Variants in ARHGEF3 observed in about 807,000 individuals in gnomAD.
ARHGEF3 encodes the protein Rho guanine nucleotide exchange factor 3.
A neutral mutation model predicts 63.2 loss-of-function variants in ARHGEF3; 28 were observed. That is an observed-to-expected ratio of 0.44 (90% confidence interval 0.33 to 0.61). The LOEUF is 0.61. ARHGEF3 is among the 20% of genes least tolerant of loss of function. The pLI is 0.03. For missense variants in ARHGEF3, 533 were observed against 659.3 expected (o/e 0.81, Z 2.10); for synonymous variants, 266 against 254.2 (o/e 1.05, Z -0.44).
chr3:56,954,662 G>GT, intron 3 of ARHGEF3, among the ~76,000 whole-genome samples: 1 of 152,290 alleles, frequency 6.6e-6, no homozygotes, highest in East Asian at 1.9e-4. Context: ...TGGAGGGTTG[G>GT]TAACACCCAG....
intron 4 of ARHGEF3, among the ~76,000 whole-genome samples, chr3:56,752,970 G>C (rs1332175771): frequency 6.6e-6 from 1 of 152,216 alleles, no homozygotes; most frequent in African/African-American, 2.4e-5. Context: ...GAGTTGGGGG[G>C]CTGTGCCACT....
chr3:56,885,438 C>T (rs1303045609), intron 3 of ARHGEF3, among the ~76,000 whole-genome samples: 1 of 152,194 alleles, frequency 6.6e-6, no homozygotes, highest in East Asian at 1.9e-4. Flanking sequence ...ATACATGCTG[C>T]AACCTGGTAT....
chr3:56,751,957 C>T (rs2034782599), intron 4 of ARHGEF3, among the ~76,000 whole-genome samples: 1 of 152,146 alleles, frequency 6.6e-6, no homozygotes, highest in Non-Finnish European at 1.5e-5. Context: ...ACTTAAAAGT[C>T]TCCTACCTTC....
intron 2 of ARHGEF3, among the ~76,000 whole-genome samples, chr3:56,974,886 C>T (rs886784367): frequency 4.6e-5 from 7 of 152,072 alleles, no homozygotes; most frequent in South Asian, 4.1e-4. Context: ...TGTTCTTTCC[C>T]GAGAGTGTAT....
intron 1 of ARHGEF3, among the ~76,000 whole-genome samples, chr3:57,041,667 T>G (rs1704191876): frequency 6.6e-6 from 1 of 152,242 alleles, no homozygotes; most frequent in South Asian, 2.1e-4. Context: ...AAAAGCTCCG[T>G]GTACTCCTTG....
chr3:56,833,814 A>G (rs922634168), intron 4 of ARHGEF3, among the ~76,000 whole-genome samples: 1 of 152,128 alleles, frequency 6.6e-6, no homozygotes, highest in African/African-American at 2.4e-5. Flanking sequence ...TTTGGATCAC[A>G]CTTCAGGAGA....
chr3:56,730,347 A>C (rs1209624588), intron 9 of ARHGEF3, among the ~76,000 whole-genome samples: 1 of 152,168 alleles, frequency 6.6e-6, no homozygotes, highest in African/African-American at 2.4e-5. Context: ...TGCATTTAAA[A>C]AAAAATGGTA....
chr3:57,005,456 C>A (rs1393984698), intron 2 of ARHGEF3, among the ~76,000 whole-genome samples: 1 of 152,170 alleles, frequency 6.6e-6, no homozygotes, highest in Non-Finnish European at 1.5e-5. Context: ...CACTGCCACA[C>A]AGTCAAATCA....
chr3:56,861,209 T>C (rs1578700662), intron 4 of ARHGEF3, among the ~76,000 whole-genome samples: 1 of 152,172 alleles, frequency 6.6e-6, no homozygotes, highest in African/African-American at 2.4e-5. Context: ...TGGTGGTCAG[T>C]GCCAGGGTGG....
At chr3:57,073,513 A>G in intron 1 of ARHGEF3, 1 of 918,542 alleles carries the variant, frequency 1.1e-6, no homozygotes. Flanking sequence ...TATCTGGGTG[A>G]CTGTGGGGTT....
chr3:57,076,516 T>TC (rs2107429806), intron 1 of ARHGEF3, among the ~76,000 whole-genome samples: 1 of 152,246 alleles, frequency 6.6e-6, no homozygotes, highest in South Asian at 2.1e-4. Flanking sequence ...CTGCCCCCTC[T>TC]CCTCCAATGG....
intron 2 of ARHGEF3, among the ~76,000 whole-genome samples, chr3:56,972,244 T>C (rs1479701484): frequency 6.6e-6 from 1 of 152,096 alleles, no homozygotes; most frequent in African/African-American, 2.4e-5. Context: ...GGACAACTTA[T>C]ACAACTTTCC....
intron 1 of ARHGEF3, among the ~76,000 whole-genome samples, chr3:56,780,690 G>C (rs2036523159): frequency 6.6e-6 from 1 of 152,184 alleles, no homozygotes; most frequent in Admixed American, 6.5e-5. Context: ...CTTGTGAAGA[G>C]TACTGGTTGG....
At chr3:56,952,084 T>C (rs1335973876) in intron 3 of ARHGEF3, among the ~76,000 whole-genome samples, 1 of 152,020 alleles carries the variant, frequency 6.6e-6, no homozygotes, top group Non-Finnish European at 1.5e-5. Context: ...ATCACCCCCA[T>C]GATTGGGTAA....
At chr3:56,737,386 G>A (rs779835735) in intron 7 of ARHGEF3, 31 bp from the exon 8 acceptor site, 2 of 1,572,048 alleles carry the variant, frequency 1.3e-6, no homozygotes, top group South Asian at 2.3e-5. Flanking sequence ...ATTAAGTATG[G>A]AGGAAAGCAG....
intron 4 of ARHGEF3, among the ~76,000 whole-genome samples, chr3:56,876,561 G>A (rs984816016): frequency 2.0e-5 from 3 of 149,150 alleles, no homozygotes; most frequent in Admixed American, 2.0e-4. Context: ...CAGAAGAGTG[G>A]TTGTAACAAC....
intron 3 of ARHGEF3, among the ~76,000 whole-genome samples, chr3:56,932,813 A>C (rs2108396841): frequency 6.6e-6 from 1 of 152,352 alleles, no homozygotes; most frequent in Middle Eastern, 3.4e-3. Flanking sequence ...TATCACTTAA[A>C]ATGCTAATTC....
At chr3:56,941,808 G>T (rs1699202656) in intron 3 of ARHGEF3, among the ~76,000 whole-genome samples, 1 of 152,118 alleles carries the variant, frequency 6.6e-6, no homozygotes, top group Non-Finnish European at 1.5e-5. Context: ...CCCGTAAGAA[G>T]GGATCACTTT....
intron 4 of ARHGEF3, among the ~76,000 whole-genome samples, chr3:56,851,249 C>G (rs2039666622): frequency 6.6e-6 from 1 of 152,108 alleles, no homozygotes; most frequent in Non-Finnish European, 1.5e-5. Context: ...CTTCCCACCT[C>G]CCTCCTAGCA....
Sources: allele counts gnomAD v4.1 joint callset (sites outside exome capture counted in the v4.1 genomes callset), GRCh38; gene constraint gnomAD v4.1.1; transcripts MANE v1.5; gene names NCBI Gene and HGNC (gene_info 2026-07-23, HGNC 2026-07-21).